The following BTN3A3 variants were observed in gnomAD, a reference collection of about 807,000 sequenced individuals.
BTN3A3 encodes butyrophilin 3.
BTN3A3 carries 39 observed loss-of-function variants against 43.2 expected under a neutral mutation model. The ratio of observed to expected loss-of-function variants is 0.90; its 90% CI spans 0.70 to 1.18. BTN3A3 has a LOEUF of 1.18. Ranked by LOEUF, BTN3A3 falls within the 50% of genes most tolerant of loss-of-function variation. The pLI is 0.00. For missense variants in BTN3A3, 631 were observed against 722.8 expected, an observed-to-expected ratio of 0.87 and a Z score of 1.46; for synonymous variants, 255 against 272.7, an observed-to-expected ratio of 0.93 and a Z score of 0.64.
intron 4 of BTN3A3, chr6:26,444,864 G>C (rs1297207826): frequency 4.2e-5 from 8 of 191,546 alleles, no homozygotes; most frequent in Non-Finnish European, 1.1e-5. Flanking sequence ...GCTTGTGTTA[G>C]GGGATTTGGG....
At chr6:26,446,354 G>A (rs1214665540) in intron 5 of BTN3A3, among the ~76,000 whole-genome samples, 1 of 152,196 alleles carries the variant, frequency 6.6e-6, no homozygotes, top group Non-Finnish European at 1.5e-5. Context: ...AAACAGAAGA[G>A]TTTGAAAACT....
Position 26,451,792 on chromosome 6 carries a change from A to C in BTN3A3, c.1136A>C (p.Glu379Ala). ...RDLPDNPERF[E>A]WRYCVLGCEN... Reference sequence around the variant, plus strand: ...CTGCCAGACAACCCTGAGAGATTTGAATGGCGTTACTGTGTCCTTGGCTGT... The same window carrying C: ...CTGCCAGACAACCCTGAGAGATTTGCATGGCGTTACTGTGTCCTTGGCTGT... The change falls in exon 11 of 11, where the codon GAA becomes GCA. Residue 379 changes from glutamate (E) to alanine (A), a missense_variant. Around this residue, in one of 2 missense-constraint regions of BTN3A3, gnomAD observed 551 missense variants for 584.0 expected, o/e 0.94. Coordinates refer to ENST00000244519, the MANE Select transcript of BTN3A3 (RefSeq NM_006994.5). 1 of 1,614,040 alleles carries C rather than the reference A, an allele frequency of 6.2e-7. No homozygotes were observed. Among genetic ancestry groups the C allele is most frequent in the Non-Finnish European group, 8.5e-7 (1 of 1,179,906 alleles).
In BTN3A3 at chr6:26,452,647, A is replaced by AGATCT; in HGVS notation, c.*236_*237insGATCT. ...TGGATGTCACTCCTTTAATCCTCAC[A>AGATCT]ACACCCTGTCGGGTAGTCATATTTT... On this transcript the variant is annotated 3_prime_UTR_variant, in exon 11 of 11. Transcript: ENST00000244519. 2.1e-6 allele frequency: 1 copy of AGATCT among 485,064 alleles called. No homozygotes were observed. The highest frequency in any genetic ancestry group is 3.6e-6 in the Non-Finnish European group (1 of 276,036). The allele number at this position is 485,064 out of a possible 1,614,324, so 30.0% of individuals were successfully genotyped here. A position where few individuals can be genotyped will look rare whatever the true frequency, so the allele number is the denominator to read the frequency against.
rs1396704502 is a variant in BTN3A3 at position 26,444,472 on chromosome 6, T to C, written c.433+168T>C. 4.4e-5 allele frequency: 49 copies of C among 1,108,164 alleles called. 1 individual carries two copies. The South Asian group carries it at 7.0e-4, about 16-fold the overall frequency. The allele number at this position is 1,108,164 out of a possible 1,614,324, so 68.6% of individuals were successfully genotyped here. On this transcript the variant is annotated intron_variant, in intron 4 of 10. Coordinates refer to ENST00000244519, the MANE Select transcript of BTN3A3 (RefSeq NM_006994.5). ...ACCCTTAAGAAAGACACATTCTTTCTTTAGAAAGAATTCCTGCTGTACCTT... is the reference window on the plus strand; with the variant it reads ...ACCCTTAAGAAAGACACATTCTTTCCTTAGAAAGAATTCCTGCTGTACCTT...
chr6:26,446,094 A>G (rs1762773205), intron 5 of BTN3A3, 109 bp downstream of exon 5: 10 of 1,528,264 alleles, frequency 6.5e-6, no homozygotes, highest in Non-Finnish European at 8.9e-6. Flanking sequence ...CTGGGTCTCT[A>G]CAATGCATGT....
At chr6:26,449,636 A>G (rs1400901865) in intron 8 of BTN3A3, 26 bp from the exon 9 acceptor site, 1 of 1,614,026 alleles carries the variant, frequency 6.2e-7, no homozygotes, top group Non-Finnish European at 8.5e-7. Flanking sequence ...TGTTCAGGTG[A>G]CACCTCTATC....
chr6:26,451,886 G>T lies in BTN3A3; in HGVS notation c.1230G>T (p.Gly410=). The part of the protein sequence containing the change: ...EVGDRKEWHI[G]VCSKNVERKK... ...GGGACAGAAAAGAGTGGCATATTGG[G>T]GTATGTAGTAAGAACGTGGAGAGGA... is the stretch of plus-strand genomic sequence containing the variant. The change falls in exon 11 of 11, where the codon GGG becomes GGT. Residue 410 remains glycine (G), a synonymous_variant. Transcript: ENST00000244519. 3.1e-6 allele frequency: 5 copies of T among 1,614,094 alleles called. No individual in the cohort carries two copies. Among genetic ancestry groups the T allele is most frequent in the Non-Finnish European group, 4.2e-6 (5 of 1,180,014 alleles).
At position 26,448,465 on chromosome 6, in the gene BTN3A3, G is replaced by A; in HGVS notation, c.916+17G>A. ...GCCTAAGAGGTATCCAACGCAAGCA[G>A]AGAATCTAAGCCCCTGGCTTGCATG... On this transcript the variant is annotated intron_variant, in intron 6 of 10. Coordinates refer to ENST00000244519, the MANE Select transcript of BTN3A3 (RefSeq NM_006994.5). 1 of 1,610,976 alleles carries A rather than the reference G, an allele frequency of 6.2e-7. No individual in the cohort carries two copies. Among genetic ancestry groups the A allele is most frequent in the South Asian group, 1.1e-5 (1 of 90,780 alleles).
Position 26,448,468 on chromosome 6 carries a change from A to G in BTN3A3, c.916+20A>G. The G allele has an allele frequency of 6.2e-7, 1 of 1,609,752 alleles. No individual in the cohort carries two copies. Among genetic ancestry groups the G allele is most frequent in the Non-Finnish European group, 8.5e-7 (1 of 1,177,548 alleles). The stretch of plus-strand genomic sequence containing the variant: ...TAAGAGGTATCCAACGCAAGCAGAG[A>G]ATCTAAGCCCCTGGCTTGCATGCCC... On this transcript the variant is annotated intron_variant, in intron 6 of 10. Transcript: ENST00000244519.
At position 26,452,210 on chromosome 6, in the gene BTN3A3, A is replaced by G; in HGVS notation, c.1554A>G (p.Val518=). The part of the protein sequence containing the change: ...ALTICPIPKE[V]ESSPDPDLVP... ...CCATTTGCCCAATACCAAAAGAAGT[A>G]GAGAGTTCCCCCGATCCTGACCTAG... Residue 518 remains valine (V), a synonymous_variant, in exon 11 of 11, where the codon GTA becomes GTG. Transcript: ENST00000244519. 1 of 1,614,178 alleles carries G rather than the reference A, an allele frequency of 6.2e-7. No homozygotes were observed. The highest frequency in any genetic ancestry group is 8.5e-7 in the Non-Finnish European group (1 of 1,180,012).
intron 9 of BTN3A3, among the ~76,000 whole-genome samples, 156 bp from the exon 10 acceptor site, chr6:26,449,951 T>A (rs2113843095): frequency 6.6e-6 from 1 of 152,190 alleles, no homozygotes; most frequent in Non-Finnish European, 1.5e-5. Flanking sequence ...GTTTAGAAGG[T>A]GCCACCTCTG....
At chr6:26,449,323 AG>A (rs1762865722) in intron 8 of BTN3A3, 1 of 286,022 alleles carries the variant, frequency 3.5e-6, no homozygotes, top group Non-Finnish European at 6.5e-6. Flanking sequence ...GAAATGATAC[AG>A]ATTGAGAAGG....
chr6:26,451,718 T>C lies in BTN3A3; in HGVS notation c.1062T>C (p.Leu354=). ...LDPDTANAIL[L]VSEDQRSVQR... ...CAGACACGGCAAACGCCATCCTCCTTGTTTCTGAGGACCAGAGGAGTGTGC... is the reference window on the plus strand; with the variant it reads ...CAGACACGGCAAACGCCATCCTCCTCGTTTCTGAGGACCAGAGGAGTGTGC... The change falls in exon 11 of 11, where the codon CTT becomes CTC. Residue 354 remains leucine, a synonymous_variant. Coordinates refer to ENST00000244519, the MANE Select transcript of BTN3A3 (RefSeq NM_006994.5). The C allele has an allele frequency of 6.2e-7, 1 of 1,614,026 alleles. No homozygotes were observed. Among genetic ancestry groups the C allele is most frequent in the East Asian group, 2.2e-5 (1 of 44,880 alleles).
At chr6:26,444,895 T>C (rs1246204524) in intron 4 of BTN3A3, 1 of 174,202 alleles carries the variant, frequency 5.7e-6, no homozygotes, top group Non-Finnish European at 1.3e-5. Flanking sequence ...TAGACTTAGC[T>C]CTCTTCTCTG....
At chr6:26,440,873 A>G (rs1762611969) in intron 1 of BTN3A3, among the ~76,000 whole-genome samples, 1 of 152,126 alleles carries the variant, frequency 6.6e-6, no homozygotes, top group Admixed American at 6.6e-5. Context: ...AGAGGCAAGT[A>G]GTGCAAAGAA....
At chr6:26,446,964 A>G (rs1407052344) in intron 5 of BTN3A3, among the ~76,000 whole-genome samples, 1 of 152,146 alleles carries the variant, frequency 6.6e-6, no homozygotes, top group South Asian at 2.1e-4. Context: ...CCAGACCCCA[A>G]TTGATCCGCC....
At position 26,445,975 on chromosome 6, in the gene BTN3A3, A is replaced by T. The variant is rs946959587; in HGVS notation, c.705A>T (p.Ile235=). 2.5e-6 allele frequency: 4 copies of T among 1,614,118 alleles called. No individual in the cohort carries two copies. The highest frequency in any genetic ancestry group is 1.7e-5 in the Admixed American group (1 of 60,018). ...TCGGCCTGGAAAAGACAGCCAGCAT[A>T]TCCATCGCAGGTCAGTACCCTGCTT... ...SLLGLEKTAS[I]SIADPFFRSA... Residue 235 remains isoleucine, a synonymous_variant, in exon 5 of 11, where the codon ATA becomes ATT. Coordinates refer to ENST00000244519, the MANE Select transcript of BTN3A3 (RefSeq NM_006994.5).
In BTN3A3 at chr6:26,451,921, G is replaced by A. The variant is rs768568912; in HGVS notation, c.1265G>A (p.Trp422Ter). Reference protein sequence around the residue: ...CSKNVERKKGWVKMTPENGYW... With the variant: ...CSKNVERKKG ...AAGAACGTGGAGAGGAAAAAAGGTTGGGTCAAAATGACACCGGAGAACGGA... is the reference window on the plus strand; with the variant it reads ...AAGAACGTGGAGAGGAAAAAAGGTTAGGTCAAAATGACACCGGAGAACGGA... The change falls in exon 11 of 11, where the codon TGG becomes TAG. Residue 422 changes from tryptophan to a stop codon, truncating the protein, a stop_gained. Transcript: ENST00000244519. LOFTEE classifies it low-confidence loss of function (END_TRUNC). The A allele has an allele frequency of 3.1e-6, 5 of 1,613,988 alleles. No homozygotes were observed. The East Asian group carries it at 8.9e-5, about 29-fold the overall frequency.
intron 5 of BTN3A3, among the ~76,000 whole-genome samples, 185 bp downstream of exon 5, chr6:26,446,170 T>C (rs1425759804): frequency 2.6e-5 from 4 of 152,186 alleles, no homozygotes; most frequent in Non-Finnish European, 5.9e-5. Flanking sequence ...GCCACAAAGC[T>C]GTTCATGCCA....
Sources: allele counts gnomAD v4.1 joint callset (sites outside exome capture counted in the v4.1 genomes callset), GRCh38; gene constraint gnomAD v4.1.1; regional missense constraint gnomAD v4.1.1; transcripts MANE v1.5; gene names NCBI Gene and HGNC (gene_info 2026-07-23, HGNC 2026-07-21).